GRID2: variants seen among roughly 807,000 people sequenced by gnomAD.
GRID2 encodes the protein glutamate receptor ionotropic, delta-2.
A neutral mutation model predicts 114.8 loss-of-function variants in GRID2; 33 were observed. The ratio of observed to expected loss-of-function variants is 0.29; its 90% CI spans 0.22 to 0.38. The LOEUF is 0.38. Among genes scored for constraint, GRID2 ranks in the 10% least tolerant of loss-of-function variants. The pLI is 1.00. For synonymous variants in GRID2, 505 were observed against 449.9 expected, an observed-to-expected ratio of 1.12 and a Z score of -1.55; for missense variants, 1,184 against 1,257.7, an observed-to-expected ratio of 0.94 and a Z score of 0.89.
At chr4:93,363,859 A>G (rs1458676157) in intron 8 of GRID2, among the ~76,000 whole-genome samples, 1 of 151,832 alleles carries the variant, frequency 6.6e-6, no homozygotes, top group African/African-American at 2.4e-5. Context: ...ATATATAGTC[A>G]TCCAAAATAT....
intron 4 of GRID2, chr4:93,166,084 G>T: frequency 6.6e-6 from 1 of 152,244 alleles, no homozygotes; most frequent in Non-Finnish European, 1.5e-5. Flanking sequence ...AAGTTGAGTG[G>T]GATTCACATA....
chr4:93,290,835 T>A (rs1421206886), intron 8 of GRID2, among the ~76,000 whole-genome samples: 1 of 151,614 alleles, frequency 6.6e-6, no homozygotes, highest in Non-Finnish European at 1.5e-5. Context: ...GCTTCATTTA[T>A]ATCTTACCAT....
At chr4:92,844,896 T>A (rs971411511) in intron 2 of GRID2, among the ~76,000 whole-genome samples, 5 of 152,058 alleles carry the variant, frequency 3.3e-5, no homozygotes, top group African/African-American at 1.2e-4. Context: ...ACTGCTTTAA[T>A]AAGGACATTC....
chr4:93,630,117 T>C (rs887847544), intron 14 of GRID2, among the ~76,000 whole-genome samples: 2 of 152,330 alleles, frequency 1.3e-5, no homozygotes, highest in South Asian at 4.1e-4. Context: ...TAGAAATGGC[T>C]AGAAGAGTTT....
intron 2 of GRID2, among the ~76,000 whole-genome samples, chr4:93,030,851 G>GA: frequency 6.6e-6 from 1 of 151,238 alleles, no homozygotes; most frequent in African/African-American, 2.4e-5. Context: ...AGAGTGGTGA[G>GA]AAAAAAAGAG....
chr4:92,574,411 GTAT>G (rs755297696), intron 1 of GRID2, among the ~76,000 whole-genome samples: 10,913 of 122,436 alleles, frequency 0.089, 362 homozygotes, highest in African/African-American at 0.14. Context: ...CTGTACTTTA[GTAT>G]TTTTTTTTTT....
intron 1 of GRID2, among the ~76,000 whole-genome samples, chr4:92,470,581 A>G (rs2149095251): frequency 6.6e-6 from 1 of 152,148 alleles, no homozygotes; most frequent in East Asian, 1.9e-4. Flanking sequence ...GCATAAAAAT[A>G]TGGCTGGAGT....
At chr4:92,932,359 T>C (rs1031803763) in intron 2 of GRID2, among the ~76,000 whole-genome samples, 3 of 151,150 alleles carry the variant, frequency 2.0e-5, no homozygotes. Context: ...CTACAATGGC[T>C]TTTAGACACA....
At chr4:93,141,302 A>G (rs940575022) in intron 4 of GRID2, among the ~76,000 whole-genome samples, 2 of 152,150 alleles carry the variant, frequency 1.3e-5, no homozygotes, top group Admixed American at 1.3e-4. Context: ...TTGAGATAAG[A>G]TTTATTTAAA....
At chr4:93,497,299 C>T (rs1185624986) in intron 12 of GRID2, among the ~76,000 whole-genome samples, 1 of 151,724 alleles carries the variant, frequency 6.6e-6, no homozygotes, top group Non-Finnish European at 1.5e-5. Flanking sequence ...AATATTTTCT[C>T]CTAGTCTGTA....
At chr4:92,994,234 T>C (rs188576554) in intron 2 of GRID2, among the ~76,000 whole-genome samples, 3 of 152,342 alleles carry the variant, frequency 2.0e-5, no homozygotes, top group African/African-American at 7.2e-5. Flanking sequence ...CATAAATAGA[T>C]TTAAAACCTT....
At chr4:92,383,507 G>A (rs779792806) in intron 1 of GRID2, among the ~76,000 whole-genome samples, 1 of 151,888 alleles carries the variant, frequency 6.6e-6, no homozygotes, top group Non-Finnish European at 1.5e-5. Flanking sequence ...TGTCTTCCAT[G>A]TAAAAGGCTT....
At chr4:93,069,016 G>A (rs368508044) in intron 2 of GRID2, among the ~76,000 whole-genome samples, 117 of 152,012 alleles carry the variant, frequency 7.7e-4, no homozygotes, top group African/African-American at 2.7e-3. Context: ...ACAAGAGAGA[G>A]AGGAGGGAGG....
chr4:92,371,192 AG>A (rs1445378715), intron 1 of GRID2, among the ~76,000 whole-genome samples: 1 of 152,192 alleles, frequency 6.6e-6, no homozygotes, highest in Non-Finnish European at 1.5e-5. Context: ...TACAAGGTAA[AG>A]CCTCAAGAAC....
At chr4:93,146,379 T>C (rs1248668645) in intron 4 of GRID2, among the ~76,000 whole-genome samples, 1 of 152,166 alleles carries the variant, frequency 6.6e-6, no homozygotes, top group Non-Finnish European at 1.5e-5. Flanking sequence ...ATTGAGTCAA[T>C]GATGAAAGCG....
chr4:92,633,376 A>G (rs575974989), intron 2 of GRID2, among the ~76,000 whole-genome samples: 23 of 152,272 alleles, frequency 1.5e-4, no homozygotes, highest in African/African-American at 5.5e-4. Flanking sequence ...CAAATGGTGC[A>G]TTTTAGAACT....
intron 4 of GRID2, among the ~76,000 whole-genome samples, chr4:93,120,660 A>G (rs1242365750): frequency 6.6e-6 from 1 of 152,076 alleles, no homozygotes; most frequent in Non-Finnish European, 1.5e-5. Flanking sequence ...AGCTTAAAAC[A>G]TAGATGATGG....
chr4:92,823,361 G>A (rs1287470677), intron 2 of GRID2, among the ~76,000 whole-genome samples: 1 of 152,028 alleles, frequency 6.6e-6, no homozygotes, highest in Non-Finnish European at 1.5e-5. Flanking sequence ...CCAATCCCTA[G>A]CACCCTGTAC....
At chr4:93,806,865 G>A (rs1578805350) in exon 2 of GRID2, 1 of 152,338 alleles carries the variant, frequency 6.6e-6, no homozygotes, top group East Asian at 1.9e-4. Context: ...ACCCCTGGAT[G>A]ACCCATAACC....
Sources: allele counts gnomAD v4.1 joint callset (sites outside exome capture counted in the v4.1 genomes callset), GRCh38; gene constraint gnomAD v4.1.1; transcripts MANE v1.5; gene names NCBI Gene and HGNC (gene_info 2026-07-23, HGNC 2026-07-21).